Variants in APBB1IP observed in about 807,000 individuals in gnomAD.
The protein encoded by APBB1IP is amyloid beta A4 precursor protein-binding family B member 1-interacting protein.
A neutral mutation model predicts 64.9 loss-of-function variants in APBB1IP; 27 were observed. The observed-to-expected ratio is 0.42, with a 90% confidence interval of 0.31 to 0.57. The LOEUF (loss-of-function observed/expected upper bound fraction) is 0.57. Ranked by LOEUF, APBB1IP falls within the 20% of genes least tolerant of loss-of-function variation. The pLI is 0.20. For missense variants in APBB1IP, 812 were observed against 845.5 expected (o/e 0.96, Z 0.49); for synonymous variants, 392 against 331.0 (o/e 1.18, Z -2.00).
At chr10:26,495,753 C>T (rs12774996) in intron 3 of APBB1IP, among the ~76,000 whole-genome samples, 1 of 151,146 alleles carries the variant, frequency 6.6e-6, no homozygotes, top group East Asian at 1.9e-4. Context: ...ACAGCCCTGC[C>T]AACAGGTAGG....
chr10:26,487,381 T>C (rs979244755), intron 2 of APBB1IP, among the ~76,000 whole-genome samples: 3 of 152,330 alleles, frequency 2.0e-5, no homozygotes, highest in African/African-American at 7.2e-5. Flanking sequence ...GGGAGGTCAA[T>C]TATGTAATAT....
At position 26,513,577 on chromosome 10, in the gene APBB1IP, T is replaced by G. The variant is rs550904855; in HGVS notation, c.730T>G (p.Leu244Val). The G allele has an allele frequency of 6.2e-7, 1 of 1,612,892 alleles. No individual in the cohort carries two copies. The highest frequency in any genetic ancestry group is 2.2e-5 in the East Asian group (1 of 44,858). The change falls in exon 8 of 15, where the codon TTA becomes GTA. Residue 244 changes from leucine to valine, a missense_variant. Transcript: ENST00000376236. ...FEDHENVVEV[L>V]SDWTRDTENK... is the part of the protein sequence containing the mutation. ...AGACCATGAAAATGTTGTTGAAGTC[T>G]TATCAGACTGGACAAGAGACACAGA...
At chr10:26,513,766 G>A (rs1457844077) in intron 8 of APBB1IP, 106 bp downstream of exon 8, 21 of 1,379,994 alleles carry the variant, frequency 1.5e-5, no homozygotes, top group Non-Finnish European at 2.0e-5. Flanking sequence ...GGCTGGAGAC[G>A]GAGTCTCGAA....
chr10:26,527,843 C>T (rs1836497736), intron 8 of APBB1IP, among the ~76,000 whole-genome samples: 1 of 151,994 alleles, frequency 6.6e-6, no homozygotes, highest in South Asian at 2.1e-4. Flanking sequence ...CAGGCATGTG[C>T]CACCAGGCCC....
chr10:26,549,479 C>G lies in APBB1IP; in HGVS notation c.1155+7787C>G, dbSNP rs933519378. Among the ~76,000 whole-genome samples the G allele has an allele frequency of 2.6e-5, 4 of 152,198 alleles. No individual in the cohort carries two copies. The East Asian group carries it at 5.8e-4, about 22-fold the overall frequency. ...TTTGATAAGAGACTTTTTATTACAG[C>G]TTCAATTTCATTACTCATTGTTGGT... On this transcript the variant is annotated intron_variant, in intron 11 of 14. Transcript: ENST00000376236.
At chr10:26,472,709 G>A (rs188470186) in intron 2 of APBB1IP, among the ~76,000 whole-genome samples, 391 of 152,162 alleles carry the variant, frequency 2.6e-3, no homozygotes, top group Non-Finnish European at 2.9e-3. Flanking sequence ...GGCCAAGGCC[G>A]GCAGATCACC....
chr10:26,562,642 AAAAAATTAGCC>A (rs1429326223), intron 14 of APBB1IP, among the ~76,000 whole-genome samples: 1 of 151,956 alleles, frequency 6.6e-6, no homozygotes, highest in Non-Finnish European at 1.5e-5. Flanking sequence ...TACTAGAAAA[AAAAAATTAGCC>A]AGGCATGGTG....
intron 2 of APBB1IP, among the ~76,000 whole-genome samples, chr10:26,444,895 C>G (rs972251448): frequency 3.3e-5 from 5 of 151,920 alleles, no homozygotes; most frequent in Non-Finnish European, 7.4e-5. Context: ...GTCAAGAGAT[C>G]AAGACCATCC....
intron 2 of APBB1IP, among the ~76,000 whole-genome samples, chr10:26,449,659 A>T (rs755822468): frequency 1.3e-5 from 2 of 152,320 alleles, no homozygotes; most frequent in Non-Finnish European, 2.9e-5. Flanking sequence ...CATTACTGCC[A>T]ATGTGATTCC....
At chr10:26,446,899 G>C (rs1262427019) in intron 2 of APBB1IP, among the ~76,000 whole-genome samples, 1 of 132,614 alleles carries the variant, frequency 7.5e-6, no homozygotes, top group Non-Finnish European at 1.7e-5. Context: ...GAAATAGATA[G>C]ATATGGTCCC....
chr10:26,551,304 T>A (rs1163914466), intron 11 of APBB1IP, among the ~76,000 whole-genome samples: 1 of 152,164 alleles, frequency 6.6e-6, no homozygotes, highest in Non-Finnish European at 1.5e-5. Flanking sequence ...AAGGACCCAG[T>A]GTGGTAAGAA....
intron 2 of APBB1IP, among the ~76,000 whole-genome samples, chr10:26,465,239 C>A (rs1320057754): frequency 1.3e-5 from 2 of 152,134 alleles, no homozygotes; most frequent in African/African-American, 4.8e-5. Context: ...TGAAGAAATT[C>A]ATGTAGAGCA....
At chr10:26,499,095 T>C (rs1836064807) in intron 4 of APBB1IP, among the ~76,000 whole-genome samples, 1 of 151,856 alleles carries the variant, frequency 6.6e-6, no homozygotes. Context: ...GAGACCACTG[T>C]CTCTACAAAA....
intron 11 of APBB1IP, among the ~76,000 whole-genome samples, chr10:26,545,788 AAAAC>A (rs796120650): frequency 2.2e-5 from 2 of 92,090 alleles, no homozygotes; most frequent in Admixed American, 2.3e-4. Flanking sequence ...CAAACAAAAA[AAAAC>A]CACAAAAATT....
At chr10:26,454,137 A>G (rs545548712) in intron 2 of APBB1IP, among the ~76,000 whole-genome samples, 118 of 152,308 alleles carry the variant, frequency 7.7e-4, no homozygotes, top group African/African-American at 2.7e-3. Flanking sequence ...TCACTTATTT[A>G]TGGGATCTAA....
chr10:26,484,235 A>T (rs1341606762), intron 2 of APBB1IP, among the ~76,000 whole-genome samples: 2 of 152,136 alleles, frequency 1.3e-5, no homozygotes, highest in Non-Finnish European at 2.9e-5. Context: ...CTTGATAATC[A>T]CAAGAAGAGA....
chr10:26,561,213 C>A (rs564816990), intron 13 of APBB1IP, among the ~76,000 whole-genome samples: 1 of 150,516 alleles, frequency 6.6e-6, no homozygotes, highest in Non-Finnish European at 1.5e-5. Context: ...GGACTACAAG[C>A]GCCCGCCACC....
chr10:26,537,824 C>T (rs1836646566), intron 10 of APBB1IP, among the ~76,000 whole-genome samples: 1 of 150,868 alleles, frequency 6.6e-6, no homozygotes, highest in Non-Finnish European at 1.5e-5. Context: ...ATCCCAGTAG[C>T]TGGGGAGGGT....
chr10:26,545,361 GTGCT>G (rs1343272289), intron 11 of APBB1IP, among the ~76,000 whole-genome samples: 1 of 152,140 alleles, frequency 6.6e-6, no homozygotes, highest in Non-Finnish European at 1.5e-5. Context: ...GCGGTGGCAC[GTGCT>G]TGTAATCCCA....
Sources: gnomAD v4.1 joint callset for allele counts (sites outside exome capture counted in the v4.1 genomes callset) on GRCh38, gnomAD v4.1.1 for gene constraint, MANE v1.5 for transcripts, NCBI Gene and HGNC (gene_info 2026-07-23, HGNC 2026-07-21) for gene names.